The following KALRN variants were observed in gnomAD, a reference collection of about 807,000 sequenced individuals.
KALRN encodes kalirin RhoGEF kinase.
A neutral mutation model predicts 353.7 loss-of-function variants in KALRN; 70 were observed. The observed-to-expected ratio is 0.20, with a 90% CI of 0.16 to 0.24. The LOEUF is 0.24. KALRN is among the 10% of genes least tolerant of loss of function. KALRN has a pLI of 1.00. For missense variants in KALRN, 2,791 were observed against 3,756.7 expected (o/e 0.74, Z 6.72); for synonymous variants, 1,391 against 1,434.8 (o/e 0.97, Z 0.69).
chr3:124,457,061 AT>A (rs78307788), intron 23 of KALRN, among the ~76,000 whole-genome samples: 46,108 of 150,172 alleles, frequency 0.31, 7,664 homozygotes, highest in East Asian at 0.59. Context: ...CTGCCTTCTG[AT>A]TTTTTTTTTA....
intron 34 of KALRN, among the ~76,000 whole-genome samples, chr3:124,592,396 CA>C: frequency 6.6e-6 from 1 of 150,946 alleles, no homozygotes; most frequent in South Asian, 2.1e-4. Context: ...ACACAAGGTA[CA>C]AGAACTGGAG....
At chr3:124,383,154 G>C (rs1218168215) in intron 10 of KALRN, among the ~76,000 whole-genome samples, 1 of 152,144 alleles carries the variant, frequency 6.6e-6, no homozygotes. Context: ...TTTCAAGCAG[G>C]ATTCCTTATG....
chr3:124,586,962 T>G (rs1465856990), intron 34 of KALRN, among the ~76,000 whole-genome samples: 3 of 152,152 alleles, frequency 2.0e-5, no homozygotes, highest in African/African-American at 4.8e-5. Flanking sequence ...CAGTCTCCAC[T>G]CAGCCTGTAG....
At position 124,146,821 on chromosome 3, in the gene KALRN, G is replaced by T. The variant is rs766808732; in HGVS notation, c.74-81169G>T. On this transcript the variant is annotated intron_variant, in intron 1 of 59. Transcript: ENST00000682506. ...GCGCCTGGGAGGCAGAGGTTGCAGT[G>T]AGCTGAGATTGCACCTCTGCACTCC... Among the ~76,000 whole-genome samples, 3 of 124,624 alleles carry T rather than the reference G, an allele frequency of 2.4e-5. No individual in the cohort carries two copies. In the South Asian group the frequency reaches 8.6e-4, roughly 36 times the overall value. The allele number at this position is 124,624 out of a possible 152,430, so 81.8% of individuals were successfully genotyped here.
intron 34 of KALRN, among the ~76,000 whole-genome samples, chr3:124,579,920 GGT>G (rs2074461652): frequency 6.6e-6 from 1 of 152,142 alleles, no homozygotes; most frequent in Non-Finnish European, 1.5e-5. Flanking sequence ...TGGAGTAGAG[GGT>G]GGACAAGGGG....
intron 1 of KALRN, among the ~76,000 whole-genome samples, chr3:124,109,211 T>C (rs1285775431): frequency 6.6e-6 from 1 of 152,138 alleles, no homozygotes; most frequent in Non-Finnish European, 1.5e-5. Context: ...TTTTTCTTCT[T>C]TCCATTTGAG....
intron 5 of KALRN, among the ~76,000 whole-genome samples, chr3:124,281,858 A>G (rs1191318087): frequency 6.6e-6 from 1 of 152,170 alleles, no homozygotes. Flanking sequence ...CACAGTCTGT[A>G]CTCACTGGGC....
chr3:124,405,989 A>G (rs191926269), intron 13 of KALRN, among the ~76,000 whole-genome samples: 31 of 152,308 alleles, frequency 2.0e-4, no homozygotes, highest in African/African-American at 7.2e-4. Flanking sequence ...AAAGAACATA[A>G]AATTGGCCAT....
intron 1 of KALRN, among the ~76,000 whole-genome samples, chr3:124,197,244 G>C (rs927590173): frequency 6.6e-6 from 1 of 152,148 alleles, no homozygotes; most frequent in African/African-American, 2.4e-5. Context: ...CTTTGTCTCT[G>C]TATTCTATAT....
intron 34 of KALRN, among the ~76,000 whole-genome samples, chr3:124,596,034 A>C (rs1241319502): frequency 6.6e-6 from 1 of 152,232 alleles, no homozygotes; most frequent in Non-Finnish European, 1.5e-5. Context: ...ACTCAGATAG[A>C]ATGATTCTAC....
At chr3:124,174,428 T>C (rs865820017) in intron 1 of KALRN, among the ~76,000 whole-genome samples, 1 of 152,122 alleles carries the variant, frequency 6.6e-6, no homozygotes, top group South Asian at 2.1e-4. Context: ...AGCAAGACTC[T>C]GTCTTAAAAA....
At chr3:124,622,628 C>T (rs2079404707) in intron 34 of KALRN, among the ~76,000 whole-genome samples, 1 of 152,184 alleles carries the variant, frequency 6.6e-6, no homozygotes, top group African/African-American at 2.4e-5. Context: ...TCCCAGCCTA[C>T]CCCTTGCAAA....
At chr3:124,352,617 A>G (rs1260587287) in intron 10 of KALRN, among the ~76,000 whole-genome samples, 1 of 152,128 alleles carries the variant, frequency 6.6e-6, no homozygotes, top group African/African-American at 2.4e-5. Flanking sequence ...ACAATTAAGT[A>G]CTTTATTCAG....
chr3:124,702,176 A>C (rs1342785831), intron 57 of KALRN, 60 bp downstream of exon 57: 2 of 1,041,930 alleles, frequency 1.9e-6, no homozygotes, highest in African/African-American at 3.1e-5. Flanking sequence ...ACATCAGAAC[A>C]GTAACTTTTT....
At chr3:124,066,581 T>A (rs2042380633) in intron 1 of KALRN, among the ~76,000 whole-genome samples, 1 of 152,154 alleles carries the variant, frequency 6.6e-6, no homozygotes, top group Admixed American at 6.5e-5. Context: ...AAAGGAGGTG[T>A]GACCTGGGTA....
intron 10 of KALRN, among the ~76,000 whole-genome samples, chr3:124,366,830 G>A (rs1157900498): frequency 4.1e-5 from 6 of 146,484 alleles, no homozygotes; most frequent in Non-Finnish European, 7.5e-5. Context: ...GGCTGGGCGG[G>A]GGTCTGACCC....
intron 33 of KALRN, chr3:124,518,434 C>G: frequency 2.5e-6 from 4 of 1,614,116 alleles, no homozygotes; most frequent in Non-Finnish European, 2.5e-6. Context: ...CACCTGGGAC[C>G]TGGAGATCCT....
At chr3:124,170,384 CCA>C (rs1434043528) in intron 1 of KALRN, among the ~76,000 whole-genome samples, 1 of 152,146 alleles carries the variant, frequency 6.6e-6, no homozygotes, top group Non-Finnish European at 1.5e-5. Context: ...ATGCAAAATC[CCA>C]GTTTTACTTA....
intron 33 of KALRN, among the ~76,000 whole-genome samples, chr3:124,527,133 G>A (rs2067657745): frequency 6.6e-6 from 1 of 152,172 alleles, no homozygotes; most frequent in African/African-American, 2.4e-5. Flanking sequence ...AGGAGTGCAG[G>A]GAGAAACTAA....
Sources: gnomAD v4.1 joint callset for allele counts (sites outside exome capture counted in the v4.1 genomes callset) on GRCh38, gnomAD v4.1.1 for gene constraint, MANE v1.5 for transcripts, NCBI Gene and HGNC (gene_info 2026-07-23, HGNC 2026-07-21) for gene names.